The following MYLK3 variants were observed in gnomAD, a reference collection of about 807,000 sequenced individuals.
MYLK3 encodes MLC kinase.
A neutral mutation model predicts 76.3 loss-of-function variants in MYLK3; 55 were observed. That is an observed-to-expected ratio of 0.72 (90% CI 0.58 to 0.90). The LOEUF (loss-of-function observed/expected upper bound fraction) is 0.90. Among genes scored for constraint, MYLK3 ranks in the 40% least tolerant of loss-of-function variants. The probability of loss-of-function intolerance (pLI) is 0.00; values close to 1 mark genes in which losing one functional copy is unlikely to be tolerated. For synonymous variants in MYLK3, 416 were observed against 425.4 expected (o/e 0.98, Z 0.27); for missense variants, 973 against 1,053.6 (o/e 0.92, Z 1.06).
At chr16:46,738,389 C>G (rs1966883701) in intron 2 of MYLK3, among the ~76,000 whole-genome samples, 1 of 152,194 alleles carries the variant, frequency 6.6e-6, no homozygotes. Context: ...GAAAGCTTGC[C>G]TCTACTAAAA....
At position 46,729,138 on chromosome 16, in the gene MYLK3, G is replaced by A; in HGVS notation, c.1663-5C>T. 4.3e-6 allele frequency: 7 copies of A among 1,611,460 alleles called. No individual in the cohort carries two copies. The highest frequency in any genetic ancestry group is 5.9e-6 in the Non-Finnish European group (7 of 1,177,628). ...GATCTCGTTCTTCACGTCCTCCTTG[G>A]GGGAACCAGAGGACAGAAGGATTTC... On this transcript the variant is annotated splice_region_variant and splice_polypyrimidine_tract_variant and intron_variant, in intron 6 of 12. Transcript: ENST00000394809.
intron 10 of MYLK3, 65 bp from the exon 11 acceptor site, chr16:46,710,854 T>G: frequency 6.3e-7 from 1 of 1,589,996 alleles, no homozygotes; most frequent in South Asian, 1.1e-5. Context: ...ATTGGCAGAA[T>G]AGAGAAGCTT....
At chr16:46,751,596 A>G (rs142571995), upstream of MYLK3, among the ~76,000 whole-genome samples, 61 of 152,286 alleles carry the variant, frequency 4.0e-4, 1 homozygote, top group Middle Eastern at 0.01. Flanking sequence ...CAGGTGTTCA[A>G]CATGGAGGAA....
chr16:46,740,712 C>A (rs937192369), intron 1 of MYLK3, among the ~76,000 whole-genome samples: 1 of 151,588 alleles, frequency 6.6e-6, no homozygotes, highest in Non-Finnish European at 1.5e-5. Flanking sequence ...CCAACATGCC[C>A]GGCTAATTTT....
Position 46,710,716 on chromosome 16 carries a change from C to G in MYLK3, c.2188G>C (p.Asp730His). 1 of 1,614,156 alleles carries G rather than the reference C, an allele frequency of 6.2e-7. No individual in the cohort carries two copies. The highest frequency in any genetic ancestry group is 8.5e-7 in the Non-Finnish European group (1 of 1,180,038). The change falls in exon 11 of 13, where the codon GAT (aspartate) becomes CAT (histidine). Residue 730 changes from aspartate to histidine, a missense_variant. Asp to His is a moderately conservative substitution (Grantham distance 81, BLOSUM62 -1). Around this residue, in one of 2 missense-constraint regions of MYLK3, gnomAD observed 332 missense variants for 416.6 expected, o/e 0.80. Transcript: ENST00000394809. The stretch of plus-strand genomic sequence containing the variant: ...CCTTCAAAGGTGTCAGCATCAAAAT[C>G]CCAGCTACAGTTTACAATGAAATTC... ...TMNFIVNCSW[D>H]FDADTFEGLS...
At chr16:46,757,690 G>C in intron 1 of MYLK3, 2 of 841,102 alleles carry the variant, frequency 2.4e-6, no homozygotes, top group Non-Finnish European at 2.9e-6. Flanking sequence ...CCAGGCCCCA[G>C]CGGCATCCAG....
chr16:46,730,553 C>T (rs756107343), intron 5 of MYLK3, 40 bp downstream of exon 5: 98 of 1,562,436 alleles, frequency 6.3e-5, no homozygotes, highest in Admixed American at 3.3e-5. Context: ...CCCCGTGACT[C>T]CTGCTCTAAG....
chr16:46,753,713 C>A (rs530813649), intron 1 of MYLK3, among the ~76,000 whole-genome samples: 1 of 152,200 alleles, frequency 6.6e-6, no homozygotes, highest in Admixed American at 6.5e-5. Flanking sequence ...GAATTCAAGA[C>A]CAGCCTGGGC....
Position 46,705,396 on chromosome 16 carries a change from AG to A in MYLK3, c.*2307del, listed in dbSNP as rs1567278394. Reference sequence around the variant, plus strand: ...AATACAAAAATTAGCTGGGCGTGGCAGCACACGCCTGTAATCCCAGCTACCT... The same window carrying A: ...AATACAAAAATTAGCTGGGCGTGGCACACACGCCTGTAATCCCAGCTACCT... On this transcript the variant is annotated 3_prime_UTR_variant, in exon 13 of 13. Transcript: ENST00000394809. 6.6e-6 allele frequency: 1 copy of A among 152,202 alleles called. No individual in the cohort carries two copies. The highest frequency in any genetic ancestry group is 2.4e-5 in the African/African-American group (1 of 41,418). 9.4% of individuals were successfully genotyped at this position (152,202 alleles called of 1,614,324 possible). A position where few individuals can be genotyped will look rare whatever the true frequency, so the allele number is the denominator to read the frequency against.
rs867680881 is a variant in MYLK3 at position 46,737,901 on chromosome 16, C to A, written c.811G>T (p.Val271Phe). ...TCCAGGCTCGGGGAGACCACATTGA[C>A]CCTGCCGGGTGCTGGAGCCAATTCC... is the stretch of plus-strand genomic sequence containing the variant. ...GLELAPAPGR[V>F]NVVSPSLEVA... Residue 271 changes from valine (V) to phenylalanine (F), a missense_variant, in exon 3 of 13, where the codon GTC (valine) becomes TTC (phenylalanine). Physicochemically the swap from Val to Phe is conservative, Grantham distance 50. Around this residue, in one of 2 missense-constraint regions of MYLK3, gnomAD observed 641 missense variants for 637.0 expected, o/e 1.01. Transcript: ENST00000394809. The A allele has an allele frequency of 1.9e-6, 3 of 1,614,186 alleles. No homozygotes were observed. Among genetic ancestry groups the A allele is most frequent in the Middle Eastern group, 1.7e-4 (1 of 6,046 alleles).
At chr16:46,733,732 C>A (rs1966857536) in intron 3 of MYLK3, among the ~76,000 whole-genome samples, 1 of 152,108 alleles carries the variant, frequency 6.6e-6, no homozygotes. Flanking sequence ...GCCACAATCC[C>A]ACAGCACGGG....
At chr16:46,726,363 G>A (rs1205782160) in intron 8 of MYLK3, 2 of 152,218 alleles carry the variant, frequency 1.3e-5, no homozygotes, top group Non-Finnish European at 2.9e-5. Context: ...CTTGAGTCCA[G>A]GAGTTCAAGA....
chr16:46,737,175 C>T (rs1312398454), intron 3 of MYLK3, among the ~76,000 whole-genome samples: 1 of 152,202 alleles, frequency 6.6e-6, no homozygotes, highest in Non-Finnish European at 1.5e-5. Flanking sequence ...GGATTCAGAT[C>T]CCAACTCTAT....
intron 3 of MYLK3, among the ~76,000 whole-genome samples, chr16:46,733,900 G>A (rs558701299): frequency 3.3e-5 from 5 of 152,256 alleles, no homozygotes; most frequent in South Asian, 2.1e-4. Flanking sequence ...CTTCAGGGAC[G>A]GTGATACCTT....
At chr16:46,762,163 A>C (rs1395306252) in intron 1 of MYLK3, among the ~76,000 whole-genome samples, 1 of 152,194 alleles carries the variant, frequency 6.6e-6, no homozygotes, top group African/African-American at 2.4e-5. Flanking sequence ...AAAATCTCTA[A>C]GGATATGCAA....
chr16:46,716,501 G>C (rs1166113398), intron 9 of MYLK3, among the ~76,000 whole-genome samples: 1 of 87,452 alleles, frequency 1.1e-5, no homozygotes, highest in Admixed American at 1.4e-4. Flanking sequence ...ATATATATGT[G>C]TGTGTGTGTG....
rs1966587237 is a variant in MYLK3, at chr16:46,702,716, T to C, written c.*4988A>G. 6.6e-6 allele frequency among the ~76,000 whole-genome samples: 1 copy of C among 151,988 alleles called. No individual in the cohort carries two copies. Among genetic ancestry groups the C allele is most frequent in the Non-Finnish European group, 1.5e-5 (1 of 67,986 alleles). On this transcript the variant is annotated 3_prime_UTR_variant, in exon 13 of 13. Coordinates refer to ENST00000394809, the MANE Select transcript of MYLK3 (RefSeq NM_182493.3). ...GTGGGCAGATCACGAGGTCAAGAGA[T>C]CGAGACCATCCTGGCCAGCATGGTG...
intron 12 of MYLK3, among the ~76,000 whole-genome samples, chr16:46,708,099 G>C (rs866255889): frequency 6.6e-6 from 1 of 151,730 alleles, no homozygotes; most frequent in Admixed American, 6.6e-5. Flanking sequence ...TCTACCTCCT[G>C]GGCTCAAGCA....
chr16:46,718,703 C>T (rs1279556168), intron 9 of MYLK3, among the ~76,000 whole-genome samples: 1 of 152,214 alleles, frequency 6.6e-6, no homozygotes, highest in East Asian at 1.9e-4. Context: ...TGGTGGCTCA[C>T]GCCTGTAATC....
Sources: allele counts gnomAD v4.1 joint callset (sites outside exome capture counted in the v4.1 genomes callset), GRCh38; gene constraint gnomAD v4.1.1; regional missense constraint gnomAD v4.1.1; transcripts MANE v1.5; gene names NCBI Gene and HGNC (gene_info 2026-07-23, HGNC 2026-07-21).